The following NCOA6 variants were observed in gnomAD, a reference collection of about 807,000 sequenced individuals.
The protein encoded by NCOA6 is NRC RAP250.
A neutral mutation model predicts 171.4 loss-of-function variants in NCOA6; 49 were observed. The ratio of observed to expected loss-of-function variants is 0.29; its 90% CI spans 0.23 to 0.36. The LOEUF is 0.36. Among genes scored for constraint, NCOA6 ranks in the 10% least tolerant of loss-of-function variants. The pLI is 1.00. For missense variants in NCOA6, 2,248 were observed against 2,554.5 expected (o/e 0.88, Z 2.59); for synonymous variants, 910 against 927.5 (o/e 0.98, Z 0.34).
At chr20:34,750,625 C>A in intron 8 of NCOA6, 106 bp from the exon 9 acceptor site, 1 of 1,203,426 alleles carries the variant, frequency 8.3e-7, no homozygotes, top group Non-Finnish European at 1.1e-6. Context: ...ACCCTTATAT[C>A]CACTGACCAA....
In NCOA6 at chr20:34,810,550, CT is replaced by C. The variant is rs1201000875; in HGVS notation, c.-164+14921del. On this transcript the variant is annotated intron_variant, in intron 1 of 14. Transcript: ENST00000359003. ...TAACGCCCATGCAACCATTTTTTTT[CT>C]TTTTTTTTTTTTGTTTGTTTTTGAG... Among the ~76,000 whole-genome samples, 435 of 143,168 alleles carry C rather than the reference CT, an allele frequency of 3.0e-3. 2 individuals carry two copies. Among genetic ancestry groups the C allele is most frequent in the Non-Finnish European group, 3.9e-3 (253 of 64,810 alleles). 93.9% of individuals were successfully genotyped at this position (143,168 alleles called of 152,430 possible).
chr20:34,800,082 A>G (rs1307755669), intron 1 of NCOA6, among the ~76,000 whole-genome samples: 1 of 152,186 alleles, frequency 6.6e-6, no homozygotes, highest in African/African-American at 2.4e-5. Flanking sequence ...AAAAAGTTTA[A>G]AAGTGGGGGG....
intron 2 of NCOA6, among the ~76,000 whole-genome samples, chr20:34,785,470 C>CA (rs1244133888): frequency 1.1e-4 from 16 of 150,736 alleles, no homozygotes; most frequent in Non-Finnish European, 1.6e-4. Context: ...GATACAACAG[C>CA]AGTCAGAAAA....
At chr20:34,751,853 A>G (rs1385029831) in intron 8 of NCOA6, among the ~76,000 whole-genome samples, 1 of 152,014 alleles carries the variant, frequency 6.6e-6, no homozygotes, top group African/African-American at 2.4e-5. Flanking sequence ...CTTTGTAGTT[A>G]ATTTTGTCCC....
chr20:34,822,262 A>C (rs1228338455), intron 1 of NCOA6, among the ~76,000 whole-genome samples: 1 of 152,152 alleles, frequency 6.6e-6, no homozygotes, highest in Non-Finnish European at 1.5e-5. Context: ...CTCTCAGCTA[A>C]GGATTCAGTC....
At chr20:34,786,030 G>C (rs2077667112) in intron 2 of NCOA6, among the ~76,000 whole-genome samples, 1 of 152,150 alleles carries the variant, frequency 6.6e-6, no homozygotes. Context: ...GGTATACTCA[G>C]AGATTTAATT....
chr20:34,797,089 C>T (rs1395004130), intron 1 of NCOA6, among the ~76,000 whole-genome samples: 1 of 152,154 alleles, frequency 6.6e-6, no homozygotes, highest in African/African-American at 2.4e-5. Flanking sequence ...GCTCCTCTGG[C>T]TACATTTCCC....
At chr20:34,823,364 AAAAAG>A (rs143929618) in intron 1 of NCOA6, among the ~76,000 whole-genome samples, 95 of 152,272 alleles carry the variant, frequency 6.2e-4, no homozygotes, top group Non-Finnish European at 1.0e-3. Flanking sequence ...CAAACAGAAA[AAAAAG>A]AAAAGAAAAG....
At position 34,768,489 on chromosome 20, in the gene NCOA6, C is replaced by T. The variant is rs188175202; in HGVS notation, c.489G>A (p.Ala163=). The change falls in exon 5 of 15, where the codon GCG becomes GCA. Residue 163 remains alanine (A), a synonymous_variant. Coordinates refer to ENST00000359003, the MANE Select transcript of NCOA6 (RefSeq NM_014071.5). ...CTGGACCACTTGCCATAGGAAATCC[C>T]GCCTCCATCCTAACTGAATTTCCAG... The part of the protein sequence containing the change: ...MGAGNSVRME[A]GFPMASGPGI... 32 of 1,614,108 alleles carry T rather than the reference C, an allele frequency of 2.0e-5. No homozygotes were observed. The highest frequency in any genetic ancestry group is 1.7e-4 in the African/African-American group (13 of 75,042).
intron 4 of NCOA6, among the ~76,000 whole-genome samples, chr20:34,769,235 G>A (rs1600937169): frequency 6.6e-6 from 1 of 152,254 alleles, no homozygotes; most frequent in Non-Finnish European, 1.5e-5. Context: ...TTGTCACCCA[G>A]GCTGCAGTGC....
At chr20:34,767,112 G>T (rs143962130) in intron 5 of NCOA6, among the ~76,000 whole-genome samples, 150 of 152,080 alleles carry the variant, frequency 9.9e-4, no homozygotes, top group African/African-American at 3.4e-3. Flanking sequence ...CACTGCTCAG[G>T]GCTCTTCTAC....
At chr20:34,719,059 G>C (rs1264393864) in intron 14 of NCOA6, among the ~76,000 whole-genome samples, 1 of 152,212 alleles carries the variant, frequency 6.6e-6, no homozygotes, top group Non-Finnish European at 1.5e-5. Context: ...GGGTGGTAAA[G>C]AACTGGGTCA....
At chr20:34,738,898 T>C (rs1402766319) in intron 11 of NCOA6, 13 of 455,970 alleles carry the variant, frequency 2.9e-5, no homozygotes, top group Admixed American at 2.1e-4. Context: ...TCCTGGGTGC[T>C]TACCACTCAG....
At chr20:34,777,931 C>T (rs190555152) in intron 3 of NCOA6, among the ~76,000 whole-genome samples, 4 of 152,208 alleles carry the variant, frequency 2.6e-5, no homozygotes, top group Admixed American at 2.0e-4. Flanking sequence ...TTATTTGAGA[C>T]GGAATCTTGC....
At chr20:34,800,503 A>G (rs964265138) in intron 1 of NCOA6, among the ~76,000 whole-genome samples, 16 of 152,160 alleles carry the variant, frequency 1.1e-4, no homozygotes, top group African/African-American at 3.4e-4. Flanking sequence ...CTTCACCTAC[A>G]AAGACGCATA....
chr20:34,762,369 C>T (rs1270198691), intron 5 of NCOA6, among the ~76,000 whole-genome samples: 2 of 152,130 alleles, frequency 1.3e-5, no homozygotes, highest in East Asian at 3.8e-4. Context: ...CCTGAGAATA[C>T]TATTCTGATT....
intron 3 of NCOA6, among the ~76,000 whole-genome samples, 194 bp downstream of exon 3, chr20:34,781,927 A>T (rs2077525676): frequency 6.6e-6 from 1 of 152,192 alleles, no homozygotes; most frequent in Admixed American, 6.5e-5. Context: ...GCAACACTTT[A>T]TGTTCAGTTC....
chr20:34,763,405 TG>T (rs1555834881), intron 5 of NCOA6, among the ~76,000 whole-genome samples: 1 of 152,222 alleles, frequency 6.6e-6, no homozygotes, highest in Non-Finnish European at 1.5e-5. Flanking sequence ...TTTAAATTTC[TG>T]TAAGTTCTGT....
intron 1 of NCOA6, among the ~76,000 whole-genome samples, chr20:34,794,458 T>C (rs2077996809): frequency 6.6e-6 from 1 of 151,942 alleles, no homozygotes; most frequent in Non-Finnish European, 1.5e-5. Flanking sequence ...CAGATGTCCA[T>C]CAATGGGACT....
Sources: gnomAD v4.1 joint callset for allele counts (sites outside exome capture counted in the v4.1 genomes callset) on GRCh38, gnomAD v4.1.1 for gene constraint, MANE v1.5 for transcripts, NCBI Gene and HGNC (gene_info 2026-07-23, HGNC 2026-07-21) for gene names.